Variants in PCM1 observed in about 807,000 individuals in gnomAD.
The protein encoded by PCM1 is pericentriolar material 1 protein.
In PCM1, 157 loss-of-function variants were observed where a neutral mutation model predicts 241.9. That is an observed-to-expected ratio of 0.65 (90% CI 0.57 to 0.74). The LOEUF is 0.74. Among genes scored for constraint, PCM1 ranks in the 30% least tolerant of loss-of-function variants. The pLI is 0.00. For synonymous variants in PCM1, 1,085 were observed against 784.9 expected (o/e 1.38, Z -6.39); for missense variants, 3,478 against 2,360.1 (o/e 1.47, Z -9.81).
chr8:17,923,576 T>C (rs11987695), intron 1 of PCM1, among the ~76,000 whole-genome samples: 103,747 of 151,706 alleles, frequency 0.68, 36,257 homozygotes, highest in Non-Finnish European at 0.77. Flanking sequence ...GTCGAGTTCT[T>C]AGAGAAACAG....
intron 6 of PCM1, chr8:17,940,115 C>G (rs779514065): frequency 1.3e-5 from 21 of 1,570,036 alleles, no homozygotes; most frequent in Non-Finnish European, 1.6e-5. Flanking sequence ...GCTGAGAGCA[C>G]ATCGCTAAAC....
chr8:18,009,991 CATT>C (rs1196032431), intron 31 of PCM1, among the ~76,000 whole-genome samples: 1 of 152,188 alleles, frequency 6.6e-6, no homozygotes, highest in Admixed American at 6.5e-5. Context: ...AACCAGTTCA[CATT>C]ATTGTCCTGT....
chr8:18,018,879 TAC>T (rs377102229), intron 36 of PCM1, among the ~76,000 whole-genome samples: 600 of 35,522 alleles, frequency 0.017, 13 homozygotes, highest in African/African-American at 0.045. Flanking sequence ...TATATATATA[TAC>T]ACACACATAT....
chr8:18,021,265 T>C (rs1189379317), intron 36 of PCM1, among the ~76,000 whole-genome samples: 1 of 152,118 alleles, frequency 6.6e-6, no homozygotes, highest in Admixed American at 6.5e-5. Context: ...CAAACCATCA[T>C]GGTGAAGAAA....
rs918120419 is a variant in PCM1, at chr8:17,941,526, GT to G, written c.783+1680del. Among the ~76,000 whole-genome samples the G allele has an allele frequency of 2.9e-3, 420 of 142,478 alleles. 2 individuals carry two copies. The highest frequency in any genetic ancestry group is 9.4e-3 in the African/African-American group (368 of 39,160). The allele number at this position is 142,478 out of a possible 152,430, so 93.5% of individuals were successfully genotyped here. On this transcript the variant is annotated intron_variant, in intron 6 of 38. Transcript: ENST00000325083. ...TGGAGGGGGATGTGGATTGATTTTT[GT>G]TTTTTTTTTTTTTTAAAAAAAAGGT...
intron 2 of PCM1, among the ~76,000 whole-genome samples, chr8:17,931,731 T>C (rs1382375618): frequency 6.6e-6 from 1 of 152,180 alleles, no homozygotes; most frequent in Non-Finnish European, 1.5e-5. Flanking sequence ...ATGGCATCAC[T>C]TCTGTTGCCT....
chr8:17,997,507 TC>T (rs1457493095), intron 29 of PCM1, among the ~76,000 whole-genome samples: 2 of 152,136 alleles, frequency 1.3e-5, no homozygotes, highest in Admixed American at 6.5e-5. Context: ...ATTTTGCAGA[TC>T]CTGTAGGTGT....
Position 17,939,937 on chromosome 8 carries a change from C to G in PCM1, c.783+76C>G, listed in dbSNP as rs1272189586. The G allele has an allele frequency of 5.5e-6, 6 of 1,098,770 alleles. No homozygotes were observed. In the East Asian group the frequency reaches 1.0e-4, roughly 19 times the overall value. 68.1% of individuals were successfully genotyped at this position (1,098,770 alleles called of 1,614,324 possible). ...TGTATTTACTGATGACATTCTGATG[C>G]CACCCCAGAGGAGTTAACATATTTT... On this transcript the variant is annotated intron_variant, in intron 6 of 38. Transcript: ENST00000325083.
rs377456562 is a variant in PCM1 at position 17,957,461 on chromosome 8, T to A, written c.1804+40T>A. On this transcript the variant is annotated intron_variant, in intron 12 of 38. Transcript: ENST00000325083. ...ATTTACATATAATTTTGCTGTGTTA[T>A]TCTTACAAAGTGGGTTTTCGTTCAT... 8.1e-6 allele frequency: 13 copies of A among 1,608,966 alleles called. No homozygotes were observed. In the African/African-American group the frequency reaches 1.6e-4, roughly 20 times the overall value.
intron 24 of PCM1, chr8:17,983,357 T>C: frequency 1.1e-6 from 1 of 896,962 alleles, no homozygotes; most frequent in Non-Finnish European, 1.6e-6. Context: ...AAAGGTTTTA[T>C]TGTCCTGATT....
chr8:18,009,493 T>A, intron 30 of PCM1, 54 bp from the exon 31 acceptor site: 1 of 1,130,238 alleles, frequency 8.8e-7, no homozygotes, highest in Non-Finnish European at 1.3e-6. Flanking sequence ...AGTAATAGTA[T>A]TTTATAATTG....
chr8:18,025,260 C>G, intron 36 of PCM1, 101 bp from the exon 37 acceptor site: 1 of 553,558 alleles, frequency 1.8e-6, no homozygotes, highest in Non-Finnish European at 3.2e-6. Context: ...TAGAAGAAAA[C>G]GAAATGTGAT....
At chr8:17,924,401 G>A (rs2056037704) in intron 1 of PCM1, among the ~76,000 whole-genome samples, 1 of 152,208 alleles carries the variant, frequency 6.6e-6, no homozygotes, top group South Asian at 2.1e-4. Flanking sequence ...CGATCAATCA[G>A]AGGAGTAAAC....
chr8:17,935,829 A>G (rs2060252752), intron 3 of PCM1, 123 bp downstream of exon 3: 1 of 521,332 alleles, frequency 1.9e-6, no homozygotes, highest in African/African-American at 1.9e-5. Flanking sequence ...ACATTAAGGG[A>G]CCCTGGGCCG....
intron 22 of PCM1, among the ~76,000 whole-genome samples, chr8:17,971,446 A>G (rs1160561317): frequency 6.6e-6 from 1 of 152,200 alleles, no homozygotes; most frequent in African/African-American, 2.4e-5. Context: ...ACTTTGTTTT[A>G]TGTGTTTTCT....
At chr8:17,997,533 T>C (rs939402388) in intron 29 of PCM1, among the ~76,000 whole-genome samples, 3 of 152,164 alleles carry the variant, frequency 2.0e-5, no homozygotes, top group African/African-American at 7.2e-5. Flanking sequence ...TATTGTGTTT[T>C]ACTTTTTTTT....
chr8:18,022,808 A>G (rs970467769), intron 36 of PCM1, among the ~76,000 whole-genome samples: 1 of 152,212 alleles, frequency 6.6e-6, no homozygotes, highest in Non-Finnish European at 1.5e-5. Context: ...CCTTGACTAT[A>G]TTAGTAGAGA....
chr8:18,027,560 C>CT (rs1349615610), intron 38 of PCM1, 77 bp from the exon 39 acceptor site: 1 of 1,014,150 alleles, frequency 9.9e-7, no homozygotes, highest in Non-Finnish European at 1.5e-6. Context: ...AAAGTAAAAG[C>CT]TTTAATGACA....
At chr8:18,014,905 A>G in intron 36 of PCM1, 65 bp downstream of exon 36, 1 of 1,384,858 alleles carries the variant, frequency 7.2e-7, no homozygotes, top group Non-Finnish European at 9.7e-7. Context: ...CTTCATTTTC[A>G]GATTAGCATT....
Sources: allele counts gnomAD v4.1 joint callset (sites outside exome capture counted in the v4.1 genomes callset), GRCh38; gene constraint gnomAD v4.1.1; transcripts MANE v1.5; gene names NCBI Gene and HGNC (gene_info 2026-07-23, HGNC 2026-07-21).